WDPCP: variants seen among roughly 807,000 people sequenced by gnomAD.
WDPCP encodes the protein WD repeat-containing and planar cell polarity effector protein fritz homolog.
Under a neutral mutation model 93.1 loss-of-function variants are expected in WDPCP, and 71 were observed. That is an observed-to-expected ratio of 0.76 (90% CI 0.63 to 0.93). The LOEUF is 0.93. WDPCP is among the 40% of genes least tolerant of loss of function. The pLI, the probability that WDPCP is intolerant of heterozygous loss-of-function variation, is 0.00. For synonymous variants in WDPCP, 315 were observed against 315.0 expected (o/e 1.00, Z 0.00); for missense variants, 844 against 887.4 (o/e 0.95, Z 0.62).
At chr2:63,715,175 G>T (rs549686823) in intron 2 of WDPCP, among the ~76,000 whole-genome samples, 15 of 152,252 alleles carry the variant, frequency 9.9e-5, no homozygotes, top group Admixed American at 7.2e-4. Flanking sequence ...TTTTCTTTGT[G>T]GGGTGATAAA....
intron 6 of WDPCP, among the ~76,000 whole-genome samples, chr2:63,451,160 C>G (rs1698218655): frequency 6.6e-6 from 1 of 151,492 alleles, no homozygotes; most frequent in Non-Finnish European, 1.5e-5. Flanking sequence ...TAGAAAAGAA[C>G]CAAAGAGAAA....
intron 2 of WDPCP, among the ~76,000 whole-genome samples, chr2:63,697,616 T>C: frequency 6.6e-6 from 1 of 152,230 alleles, no homozygotes; most frequent in East Asian, 1.9e-4. Flanking sequence ...TTTAATAATT[T>C]TCTATAATGT....
intron 14 of WDPCP, among the ~76,000 whole-genome samples, chr2:63,195,578 C>T (rs975506183): frequency 5.9e-5 from 9 of 152,138 alleles, no homozygotes; most frequent in African/African-American, 1.9e-4. Flanking sequence ...CCTGCCTCAG[C>T]CTCCCAAAGG....
At chr2:63,167,995 T>A (rs886523227) in intron 15 of WDPCP, among the ~76,000 whole-genome samples, 2 of 151,454 alleles carry the variant, frequency 1.3e-5, no homozygotes, top group Non-Finnish European at 2.9e-5. Context: ...ACATGCCTGT[T>A]GTCCCAGCCA....
chr2:63,525,815 T>A (rs1042584885), intron 1 of WDPCP, among the ~76,000 whole-genome samples: 1 of 152,220 alleles, frequency 6.6e-6, no homozygotes, highest in African/African-American at 2.4e-5. Flanking sequence ...AGCTTTACAC[T>A]GGTAAAGTAC....
At chr2:63,222,789 T>C (rs1160521519) in intron 14 of WDPCP, among the ~76,000 whole-genome samples, 1 of 152,216 alleles carries the variant, frequency 6.6e-6, no homozygotes, top group Non-Finnish European at 1.5e-5. Context: ...TGAATCTATT[T>C]TTTTAACTTA....
intron 12 of WDPCP, among the ~76,000 whole-genome samples, chr2:63,367,868 A>G (rs964252572): frequency 4.7e-4 from 71 of 152,362 alleles, no homozygotes; most frequent in African/African-American, 1.7e-3. Context: ...ATCCTTCCAC[A>G]GCAATAACCA....
Position 63,606,162 on chromosome 2 carries a change from G to T in WDPCP, n.488+44497C>A. ...TTTGGAAGGGCAAGGTGGCAAGATT[G>T]CTTGAGCCCAGGAGTTCAAGACCAG... On this transcript the variant is annotated intron_variant and non_coding_transcript_variant, in intron 3 of 4. Coordinates refer to the WDPCP transcript ENST00000467687. 4 of 832,882 alleles carry T rather than the reference G, an allele frequency of 4.8e-6. No individual in the cohort carries two copies. The Admixed American group carries it at 5.6e-5, about 12-fold the overall frequency. 51.6% of individuals were successfully genotyped at this position (832,882 alleles called of 1,614,324 possible). A position where few individuals can be genotyped will look rare whatever the true frequency, so the allele number is the denominator to read the frequency against.
chr2:63,804,398 C>A (rs1670734354), intron 2 of WDPCP, among the ~76,000 whole-genome samples: 2 of 151,922 alleles, frequency 1.3e-5, no homozygotes, highest in Non-Finnish European at 2.9e-5. Flanking sequence ...ACTACAGGCA[C>A]CTGCCACCAC....
At chr2:63,127,662 C>CATAT (rs67091232) in intron 17 of WDPCP, among the ~76,000 whole-genome samples, 5,162 of 131,470 alleles carry the variant, frequency 0.039, 129 homozygotes, top group Admixed American at 0.055. Flanking sequence ...TGTGTATGTG[C>CATAT]ATATATATAT....
upstream of WDPCP, among the ~76,000 whole-genome samples, chr2:63,831,596 G>A (rs142286624): frequency 9.4e-4 from 143 of 151,940 alleles, 2 homozygotes; most frequent in African/African-American, 3.3e-3. Context: ...TATTTGAATT[G>A]TATCCTCGTT....
chr2:63,285,991 A>G lies in WDPCP; in HGVS notation c.1813-26582T>C, dbSNP rs947138880. Among the ~76,000 whole-genome samples the G allele has an allele frequency of 5.0e-5, 3 of 60,314 alleles. No homozygotes were observed. The South Asian group carries it at 2.1e-3, about 42-fold the overall frequency. 39.6% of individuals were successfully genotyped at this position (60,314 alleles called of 152,430 possible). A position where few individuals can be genotyped will look rare whatever the true frequency, so the allele number is the denominator to read the frequency against. On this transcript the variant is annotated intron_variant, in intron 13 of 17. Coordinates refer to ENST00000272321, the MANE Select transcript of WDPCP (RefSeq NM_015910.7). Reference sequence around the variant, plus strand: ...AATAATAACACAAGGTCATGAAACAAGTTTCTCTCTCTCTCTCTCTCATTT... The same window carrying G: ...AATAATAACACAAGGTCATGAAACAGGTTTCTCTCTCTCTCTCTCTCATTT...
intron 2 of WDPCP, among the ~76,000 whole-genome samples, chr2:63,745,193 T>A (rs1417483873): frequency 6.6e-6 from 1 of 152,222 alleles, no homozygotes; most frequent in Non-Finnish European, 1.5e-5. Context: ...TTTTAAGTTT[T>A]GCCTTTATAA....
At chr2:63,461,619 A>G (rs1699016191) in intron 6 of WDPCP, among the ~76,000 whole-genome samples, 3 of 152,198 alleles carry the variant, frequency 2.0e-5, no homozygotes, top group South Asian at 4.1e-4. Flanking sequence ...ATTAAAAAAG[A>G]GTGCAGTAAG....
At chr2:63,258,200 G>A (rs946119162) in intron 14 of WDPCP, among the ~76,000 whole-genome samples, 6 of 152,130 alleles carry the variant, frequency 3.9e-5, no homozygotes, top group African/African-American at 7.2e-5. Context: ...ATAGTGATAG[G>A]TCAATTACAG....
chr2:63,391,746 TAGAC>T lies in WDPCP; in HGVS notation c.1436-9656_1436-9653del, dbSNP rs1470964183. 1.1e-4 allele frequency among the ~76,000 whole-genome samples: 17 copies of T among 150,540 alleles called. No homozygotes were observed. In the South Asian group the frequency reaches 1.5e-3, roughly 13 times the overall value. On this transcript the variant is annotated intron_variant, in intron 10 of 17. Coordinates refer to ENST00000272321, the MANE Select transcript of WDPCP (RefSeq NM_015910.7). The stretch of plus-strand genomic sequence containing the variant: ...CACAAGCATTCCTATACATCAATAA[TAGAC>T]AGAGAGCCAAATCAGGAGTGACCTC...
At chr2:63,828,959 A>G (rs1467444473), upstream of WDPCP, among the ~76,000 whole-genome samples, 1 of 152,188 alleles carries the variant, frequency 6.6e-6, no homozygotes, top group Non-Finnish European at 1.5e-5. Flanking sequence ...AAATATGTAT[A>G]TCACTTTGTG....
chr2:63,568,568 G>A (rs562048729), intron 1 of WDPCP, among the ~76,000 whole-genome samples: 4 of 152,252 alleles, frequency 2.6e-5, no homozygotes, highest in South Asian at 2.1e-4. Context: ...GTTTTGCCAC[G>A]AGAGTACACC....
At chr2:63,445,562 A>G (rs1310778916) in intron 6 of WDPCP, among the ~76,000 whole-genome samples, 2 of 152,188 alleles carry the variant, frequency 1.3e-5, no homozygotes, top group African/African-American at 2.4e-5. Flanking sequence ...CCACAGAAAC[A>G]TGGTCAAATT....
Sources: gnomAD v4.1 joint callset for allele counts (sites outside exome capture counted in the v4.1 genomes callset) on GRCh38, gnomAD v4.1.1 for gene constraint, MANE v1.5 for transcripts, NCBI Gene and HGNC (gene_info 2026-07-23, HGNC 2026-07-21) for gene names.